The following WDR17 variants were observed in gnomAD, a reference collection of about 807,000 sequenced individuals.
WDR17 encodes the protein WD repeat-containing protein 17.
WDR17 carries 143 observed loss-of-function variants against 161.7 expected under a neutral mutation model. The ratio of observed to expected loss-of-function variants is 0.88; its 90% CI spans 0.77 to 1.02. WDR17 has a LOEUF of 1.02. WDR17 is among the 50% of genes least tolerant of loss of function. WDR17 has a pLI of 0.00. For synonymous variants in WDR17, 517 were observed against 515.6 expected (o/e 1.00, Z -0.04); for missense variants, 1,469 against 1,520.9 (o/e 0.97, Z 0.57).
At position 176,173,336 on chromosome 4, in the gene WDR17, G is replaced by T. The variant is rs201308930; in HGVS notation, c.3314G>T (p.Arg1105Leu). 6.2e-7 allele frequency: 1 copy of T among 1,612,736 alleles called. No individual in the cohort carries two copies. Among genetic ancestry groups the T allele is most frequent in the East Asian group, 2.2e-5 (1 of 44,762 alleles). ...GTTCTTGACCTACTGAGCTATATTC[G>T]TACTGAAAAATTACTCTTGCATACG... ...YPVLDLLSYI[R>L]TEKLLLHTCT... The change falls in exon 25 of 29, where the codon CGT (arginine) becomes CTT (leucine). Residue 1105 changes from arginine (R) to leucine (L), a missense_variant. Arg to Leu is a moderately radical substitution (Grantham distance 102). Transcript: ENST00000508596.
In WDR17 at chr4:176,131,484, T is replaced by A. The variant is rs1319399707; in HGVS notation, c.914-70T>A. 6 of 1,407,176 alleles carry A rather than the reference T, an allele frequency of 4.3e-6. No individual in the cohort carries two copies. In the South Asian group the frequency reaches 8.9e-5, roughly 21 times the overall value. 87.2% of individuals were successfully genotyped at this position (1,407,176 alleles called of 1,614,324 possible). On this transcript the variant is annotated intron_variant, in intron 6 of 28. Transcript: ENST00000508596. ...TGGTACAGATTCTGGATTTTTTTTTTAATGAAGAATCTTTCTAAATTAAGC... is the reference window on the plus strand; with the variant it reads ...TGGTACAGATTCTGGATTTTTTTTTAAATGAAGAATCTTTCTAAATTAAGC...
intron 6 of WDR17, 143 bp from the exon 7 acceptor site, chr4:176,131,411 A>G: frequency 2.6e-6 from 2 of 782,084 alleles, no homozygotes; most frequent in South Asian, 4.8e-5. Context: ...GCAATCCCAA[A>G]GAACTGCTTA....
intron 23 of WDR17, 87 bp from the exon 24 acceptor site, chr4:176,172,288 G>T: frequency 8.1e-7 from 1 of 1,229,606 alleles, no homozygotes; most frequent in South Asian, 1.4e-5. Context: ...AACCATACTA[G>T]GAAAGCTGAA....
intron 26 of WDR17, among the ~76,000 whole-genome samples, chr4:176,174,920 A>G (rs1431994712): frequency 3.3e-5 from 5 of 152,312 alleles, no homozygotes; most frequent in Middle Eastern, 3.4e-3. Flanking sequence ...TACTAGCTTA[A>G]ACTCCTAGGA....
At chr4:176,107,005 G>A (rs1738853326) in intron 1 of WDR17, among the ~76,000 whole-genome samples, 1 of 152,080 alleles carries the variant, frequency 6.6e-6, no homozygotes. Flanking sequence ...GCAACCCACA[G>A]AATGAAGAAA....
chr4:176,138,655 CA>C (rs1388133098), intron 9 of WDR17, among the ~76,000 whole-genome samples: 1 of 151,674 alleles, frequency 6.6e-6, no homozygotes, highest in African/African-American at 2.4e-5. Flanking sequence ...GGCCCAGATT[CA>C]AAAATTGTAT....
intron 1 of WDR17, among the ~76,000 whole-genome samples, chr4:176,109,120 G>T (rs960022814): frequency 2.0e-5 from 3 of 152,072 alleles, no homozygotes; most frequent in Non-Finnish European, 4.4e-5. Context: ...TGTGTTTAAA[G>T]ATTTTTCTTT....
At chr4:176,125,777 G>A (rs1742356063) in intron 5 of WDR17, among the ~76,000 whole-genome samples, 1 of 152,112 alleles carries the variant, frequency 6.6e-6, no homozygotes, top group African/African-American at 2.4e-5. Flanking sequence ...GAATACCACA[G>A]AATATTCTGC....
intron 1 of WDR17, among the ~76,000 whole-genome samples, chr4:176,099,546 C>T (rs35751888): frequency 0.19 from 28,884 of 152,024 alleles, 3,021 homozygotes; most frequent in South Asian, 0.26. Context: ...AAAGAAACCA[C>T]TTAAATTACA....
rs1276644751 is a variant in WDR17 at position 176,125,299 on chromosome 4, C to T, written c.734C>T (p.Ala245Val). Residue 245 changes from alanine to valine, a missense_variant, in exon 5 of 29, where the codon GCT (alanine) becomes GTT (valine). Transcript: ENST00000508596. ...ITTFNLPSAA[A>V]SVQCLAWVPS... ...ACATTTAATCTTCCCAGTGCAGCAG[C>T]TTCTGTACAGTGCTTAGCCTGGGTT... 1.2e-6 allele frequency: 2 copies of T among 1,614,148 alleles called. No homozygotes were observed. Among genetic ancestry groups the T allele is most frequent in the Non-Finnish European group, 1.7e-6 (2 of 1,180,018 alleles).
chr4:176,133,054 A>G (rs1015877736), intron 7 of WDR17, among the ~76,000 whole-genome samples: 7 of 151,596 alleles, frequency 4.6e-5, no homozygotes, highest in African/African-American at 1.7e-4. Context: ...CCAATTCCTA[A>G]AATCAGTTCA....
intron 7 of WDR17, 102 bp from the exon 8 acceptor site, chr4:176,135,006 G>A: frequency 2.0e-5 from 24 of 1,196,220 alleles, no homozygotes; most frequent in Non-Finnish European, 2.8e-5. Flanking sequence ...TTAATATTTG[G>A]AAAACCGTAT....
chr4:176,154,711 C>T (rs181981977), intron 17 of WDR17, among the ~76,000 whole-genome samples: 46 of 152,064 alleles, frequency 3.0e-4, no homozygotes, highest in Non-Finnish European at 5.6e-4. Context: ...ATTTTAAATA[C>T]GTAGTATTAA....
rs145816763 is a variant in WDR17, at chr4:176,119,485, G to A, written c.308-382G>A. The stretch of plus-strand genomic sequence containing the variant: ...CACACATTTAAAATTCTCTAAAGCA[G>A]GAATCTTATCCCACACTACCTTGTA... On this transcript the variant is annotated intron_variant, in intron 3 of 28. Transcript: ENST00000508596. 6.1e-3 allele frequency among the ~76,000 whole-genome samples: 921 copies of A among 152,066 alleles called. 6 individuals are homozygous for A. The highest frequency in any genetic ancestry group is 0.01 in the Non-Finnish European group (694 of 67,960).
At position 176,118,188 on chromosome 4, in the gene WDR17, A is replaced by C. The variant is rs191124921; in HGVS notation, c.308-1679A>C. Among the ~76,000 whole-genome samples the C allele has an allele frequency of 2.0e-5, 3 of 152,168 alleles. No homozygotes were observed. The East Asian group carries it at 5.8e-4, about 29-fold the overall frequency. ...AGTGTTGGGAGAATTAAATTGCAAC[A>C]CTCCTTGAAAGTGCTTGTACATAAG... is the stretch of plus-strand genomic sequence containing the variant. On this transcript the variant is annotated intron_variant, in intron 3 of 28. Coordinates refer to ENST00000508596, the MANE Select transcript of WDR17 (RefSeq NM_181265.4).
chr4:176,069,024 TAGAA>T (rs1732880832), intron 1 of WDR17, among the ~76,000 whole-genome samples: 1 of 152,172 alleles, frequency 6.6e-6, no homozygotes, highest in Non-Finnish European at 1.5e-5. Context: ...CACGATTAAT[TAGAA>T]AGATTTGAAA....
chr4:176,071,033 T>C (rs1733160992), intron 1 of WDR17, among the ~76,000 whole-genome samples: 1 of 151,832 alleles, frequency 6.6e-6, no homozygotes, highest in African/African-American at 2.4e-5. Context: ...AAAACTCACA[T>C]ACAAAACCCA....
intron 23 of WDR17, 55 bp downstream of exon 23, chr4:176,168,838 A>T: frequency 6.4e-7 from 1 of 1,565,804 alleles, no homozygotes; most frequent in Non-Finnish European, 8.6e-7. Context: ...TGATTTAATT[A>T]ATTGTAGGTT....
At chr4:176,162,226 A>G (rs754720783) in intron 21 of WDR17, 52 bp downstream of exon 21, 4 of 1,527,726 alleles carry the variant, frequency 2.6e-6, no homozygotes, top group Non-Finnish European at 3.6e-6. Context: ...TAGATATGTC[A>G]TGGTGTTTGA....
Sources: allele counts gnomAD v4.1 joint callset (sites outside exome capture counted in the v4.1 genomes callset), GRCh38; gene constraint gnomAD v4.1.1; transcripts MANE v1.5; gene names NCBI Gene and HGNC (gene_info 2026-07-23, HGNC 2026-07-21).